The following DIDO1 variants were observed in gnomAD, a reference collection of about 807,000 sequenced individuals.
The protein encoded by DIDO1 is death-inducer obliterator 1.
Under a neutral mutation model 99.4 loss-of-function variants are expected in DIDO1, and 16 were observed. That is an observed-to-expected ratio of 0.16 (90% CI 0.11 to 0.24). DIDO1 has a LOEUF of 0.24. Among genes scored for constraint, DIDO1 ranks in the 10% least tolerant of loss-of-function variants. The pLI is 1.00. For synonymous variants in DIDO1, 1,366 were observed against 1,239.1 expected, an observed-to-expected ratio of 1.10 and a Z score of -2.15; for missense variants, 2,996 against 3,014.0, an observed-to-expected ratio of 0.99 and a Z score of 0.14.
At position 62,894,239 on chromosome 20, in the gene DIDO1, A is replaced by T; in HGVS notation, c.2573-45T>A. On this transcript the variant is annotated intron_variant, in intron 11 of 15. Transcript: ENST00000395343. This position sits in a 1 kb window ranked among gnomAD's most constrained non-coding sequence, Gnocchi z 4.4. Reference sequence around the variant, plus strand: ...GCTCTGTGAGAAACCCAGCCGGCACACTGGTGTTTCTCACACAAAGCCGAA... The same window carrying T: ...GCTCTGTGAGAAACCCAGCCGGCACTCTGGTGTTTCTCACACAAAGCCGAA... 1 of 1,594,406 alleles carries T rather than the reference A, an allele frequency of 6.3e-7. No homozygotes were observed. The highest frequency in any genetic ancestry group is 8.6e-7 in the Non-Finnish European group (1 of 1,168,024).
In DIDO1 at chr20:62,894,828, C is replaced by T. The variant is rs750078; in HGVS notation, c.2418G>A (p.Pro806=). The T allele has an allele frequency of 3.8e-3, 6,150 of 1,613,920 alleles. 213 individuals are homozygous for T. The Admixed American group carries it at 0.068, about 18-fold the overall frequency. The change falls in exon 10 of 16, where the codon CCG becomes CCA. Residue 806 remains proline, a synonymous_variant. Transcript: ENST00000395343. The surrounding 1 kb of genome is among the most constrained non-coding windows in gnomAD (Gnocchi z 4.4). ...QEAIPDLEDS[P]PVSDSEEQQE... ...TGCTTACCTCTGAATCCGACACTGGCGGAGAGTCCTCCAGATCGGGGATGG... is the reference window on the plus strand; with the variant it reads ...TGCTTACCTCTGAATCCGACACTGGTGGAGAGTCCTCCAGATCGGGGATGG...
rs2064172042 is a variant in DIDO1 at position 62,880,025 on chromosome 20, T to C, written c.5931A>G (p.Arg1977=). The C allele has an allele frequency of 6.2e-7, 1 of 1,611,428 alleles. No individual in the cohort carries two copies. The highest frequency in any genetic ancestry group is 8.5e-7 in the Non-Finnish European group (1 of 1,179,990). The stretch of plus-strand genomic sequence containing the variant: ...GTGCAGGCGCCCTTTGGTTTGTGAA[T>C]CTTGGTGGTGAATGGACCCTCTGGT... ...FEDQRVHSPP[R]FTNQRAPAPL... Residue 1977 remains arginine, a synonymous_variant, in exon 16 of 16, where the codon AGA becomes AGG. Coordinates refer to ENST00000395343, the MANE Select transcript of DIDO1 (RefSeq NM_001193369.2).
At position 62,879,612 on chromosome 20, in the gene DIDO1, C is replaced by T; in HGVS notation, c.6344G>A (p.Arg2115Lys). ...AQGRASEDRR[R>K]ERERGRNWSR... Reference sequence around the variant, plus strand: ...CCAGTTTCGGCCGCGCTCGCGCTCTCTCCTCCTGTCCTCGGACGCCCGGCC... The same window carrying T: ...CCAGTTTCGGCCGCGCTCGCGCTCTTTCCTCCTGTCCTCGGACGCCCGGCC... Residue 2115 changes from arginine to lysine, a missense_variant, in exon 16 of 16, where the codon AGA (arginine) becomes AAA (lysine). Coordinates refer to ENST00000395343, the MANE Select transcript of DIDO1 (RefSeq NM_001193369.2). The surrounding 1 kb of genome is among the most constrained non-coding windows in gnomAD (Gnocchi z 6.3). 9 of 1,604,738 alleles carry T rather than the reference C, an allele frequency of 5.6e-6. No homozygotes were observed. The highest frequency in any genetic ancestry group is 7.6e-6 in the Non-Finnish European group (9 of 1,179,722).
At chr20:62,887,958 A>C (rs896537316) in intron 15 of DIDO1, 1 of 985,382 alleles carries the variant, frequency 1.0e-6, no homozygotes, top group African/African-American at 1.7e-5. Flanking sequence ...TCTGTGGACA[A>C]ATCATTAAGA....
At chr20:62,906,166 TGA>T (rs2064800098) in intron 5 of DIDO1, 66 bp from the exon 6 acceptor site, 2 of 1,544,430 alleles carry the variant, frequency 1.3e-6, no homozygotes, top group Admixed American at 1.9e-5. Flanking sequence ...TTCATTTCAC[TGA>T]GAGATGAAGG....
At chr20:62,910,457 C>G (rs1248115442) in intron 3 of DIDO1, among the ~76,000 whole-genome samples, 1 of 152,156 alleles carries the variant, frequency 6.6e-6, no homozygotes, top group Non-Finnish European at 1.5e-5. Flanking sequence ...TCAGACAGAC[C>G]CCGGAGTGAC....
intron 1 of DIDO1, among the ~76,000 whole-genome samples, chr20:62,932,235 G>A (rs2065338811): frequency 6.6e-6 from 1 of 152,216 alleles, no homozygotes; most frequent in African/African-American, 2.4e-5. Flanking sequence ...GCTCACGCCT[G>A]TAATCCTGAC....
chr20:62,890,076 AG>A (rs1248832084), intron 15 of DIDO1: 42 of 985,762 alleles, frequency 4.3e-5, no homozygotes, highest in South Asian at 4.7e-5. Flanking sequence ...CAGCTATGGC[AG>A]GAACACCCGC....
chr20:62,881,833 C>CCTT lies in DIDO1; in HGVS notation c.4120_4122dup (p.Lys1374dup). On this transcript the variant is annotated inframe_insertion, in exon 16 of 16. Coordinates refer to ENST00000395343, the MANE Select transcript of DIDO1 (RefSeq NM_001193369.2). The surrounding 1 kb of genome is among the most constrained non-coding windows in gnomAD (Gnocchi z 8.3). ...CTGTCGTCCTCCTCTTCCTCTAGAGCCTTATCTTTTGAGAACTGACCGAAC... is the reference window on the plus strand; with the variant it reads ...CTGTCGTCCTCCTCTTCCTCTAGAGCCTTCTTATCTTTTGAGAACTGACCGAAC... The CCTT allele has an allele frequency of 6.2e-7, 1 of 1,613,572 alleles. No homozygotes were observed.
At position 62,893,775 on chromosome 20, in the gene DIDO1, C is replaced by T. The variant is rs2064451788; in HGVS notation, c.2992G>A (p.Val998Met). 1 of 1,614,210 alleles carries T rather than the reference C, an allele frequency of 6.2e-7. No homozygotes were observed. The highest frequency in any genetic ancestry group is 8.5e-7 in the Non-Finnish European group (1 of 1,180,040). Residue 998 changes from valine (V) to methionine (M), a missense_variant, in exon 12 of 16, where the codon GTG (valine) becomes ATG (methionine). By Grantham distance (21) the Val-to-Met change is conservative (BLOSUM62 1). Coordinates refer to ENST00000395343, the MANE Select transcript of DIDO1 (RefSeq NM_001193369.2). ...STHMVEARQD[V>M]PKPVLTSVMV... ...ACAGAAGTCAAGACAGGCTTCGGCA[C>T]ATCCTGTCTGGCTTCCACCATGTGG...
Position 62,893,711 on chromosome 20 carries a change from G to C in DIDO1, c.3056C>G (p.Ser1019Cys), listed in dbSNP as rs890896833. 26 of 1,611,776 alleles carry C rather than the reference G, an allele frequency of 1.6e-5. No individual in the cohort carries two copies. The East Asian group carries it at 5.6e-4, about 35-fold the overall frequency. Residue 1019 changes from serine (S) to cysteine (C), a missense_variant, in exon 12 of 16, where the codon TCT becomes TGT. Ser to Cys is a moderately radical substitution (Grantham distance 112, BLOSUM62 -1). Around this residue, in one of 5 missense-constraint regions of DIDO1, gnomAD observed 898 missense variants for 972.7 expected, o/e 0.92. Transcript: ENST00000395343. ...PKSILAKPSS[S>C]PDPRYLSVPP... The stretch of plus-strand genomic sequence containing the variant: ...AACTGACAGGTATCTTGGGTCAGGA[G>C]ATGAGGATGGCTTAGCTAGTATGGA...
rs368655037 is a variant in DIDO1 at position 62,911,472 on chromosome 20, T to C, written c.141A>G (p.Pro47=). Residue 47 remains proline (P), a synonymous_variant, in exon 3 of 16, where the codon CCA becomes CCG. Coordinates refer to ENST00000395343, the MANE Select transcript of DIDO1 (RefSeq NM_001193369.2). The surrounding 1 kb of genome is among the most constrained non-coding windows in gnomAD (Gnocchi z 7.0). Reference sequence around the variant, plus strand: ...GCTGCTGTGGGGGTGGCGGCTCCAGTGGGTCAGCCTCCGCGTCCCCTGCGC... The same window carrying C: ...GCTGCTGTGGGGGTGGCGGCTCCAGCGGGTCAGCCTCCGCGTCCCCTGCGC... ...REGAGDAEAD[P]LEPPPPQQQL... is the part of the protein sequence containing the mutation. 4 of 1,612,090 alleles carry C rather than the reference T, an allele frequency of 2.5e-6. No homozygotes were observed. Among genetic ancestry groups the C allele is most frequent in the South Asian group, 1.1e-5 (1 of 90,846 alleles).
intron 15 of DIDO1, chr20:62,889,418 G>A: frequency 1.0e-6 from 1 of 985,454 alleles, no homozygotes; most frequent in Non-Finnish European, 1.2e-6. Context: ...AGGGAGAGAA[G>A]CTCAAGAAAG....
rs777553697 is a variant in DIDO1, at chr20:62,880,578, C to T, written c.5378G>A (p.Arg1793Gln). The T allele has an allele frequency of 3.7e-6, 6 of 1,612,772 alleles. No individual in the cohort carries two copies. Among genetic ancestry groups the T allele is most frequent in the Admixed American group, 3.3e-5 (2 of 60,006 alleles). The change falls in exon 16 of 16, where the codon CGA becomes CAA. Residue 1793 changes from arginine (R) to glutamine (Q), a missense_variant. Arg to Gln is a conservative substitution (Grantham distance 43). This residue lies in a region of DIDO1 where 1,562 missense variants were observed against 1,412.6 expected (regional missense o/e 1.11). Coordinates refer to ENST00000395343, the MANE Select transcript of DIDO1 (RefSeq NM_001193369.2). ...EENIASNDGPRGPPPARFGAQ... is the reference protein window; with the variant it reads ...EENIASNDGPQGPPPARFGAQ... ...TCCGAATCTGGCTGGCGGAGGCCCTCGTGGCCCATCGTTAGAAGCGATATT... is the reference window on the plus strand; with the variant it reads ...TCCGAATCTGGCTGGCGGAGGCCCTTGTGGCCCATCGTTAGAAGCGATATT...
chr20:62,927,093 AG>A (rs1255757612), upstream of DIDO1, among the ~76,000 whole-genome samples: 1 of 152,092 alleles, frequency 6.6e-6, no homozygotes, highest in Non-Finnish European at 1.5e-5. Flanking sequence ...GCTCGGCTCC[AG>A]AAACCAGGAG....
intron 15 of DIDO1, chr20:62,889,659 C>T: frequency 1.0e-6 from 1 of 985,394 alleles, no homozygotes. Flanking sequence ...TTTCCTCTCC[C>T]TGGTCACGTG....
chr20:62,891,720 G>A lies in DIDO1; in HGVS notation c.3345+267C>T, dbSNP rs532356850. Among the ~76,000 whole-genome samples the A allele has an allele frequency of 4.6e-5, 7 of 150,820 alleles. No homozygotes were observed. The South Asian group carries it at 1.0e-3, about 23-fold the overall frequency. On this transcript the variant is annotated intron_variant, in intron 14 of 15. Transcript: ENST00000395343. ...TAAATCAGAAACAAACTTCTACCGC[G>A]GCACACTCAGACACCTTCACACAGT...
chr20:62,911,347 ATGC>A lies in DIDO1; in HGVS notation c.263_265del (p.Ser88del), dbSNP rs749233147. 5 of 1,609,308 alleles carry A rather than the reference ATGC, an allele frequency of 3.1e-6. No individual in the cohort carries two copies. The highest frequency in any genetic ancestry group is 4.2e-6 in the Non-Finnish European group (5 of 1,179,944). ...ACCAGAATCCTCCAGGGAGACAGGC[ATGC>A]TCCTCCTGCCGCGGCGCCGCGCAAT... On this transcript the variant is annotated inframe_deletion, in exon 3 of 16. Coordinates refer to ENST00000395343, the MANE Select transcript of DIDO1 (RefSeq NM_001193369.2). This position sits in a 1 kb window ranked among gnomAD's most constrained non-coding sequence, Gnocchi z 7.0.
rs549750000 is a variant in DIDO1, at chr20:62,925,860, G to GAC, written c.-200+577_-200+578dup. Among the ~76,000 whole-genome samples the GAC allele has an allele frequency of 5.9e-5, 9 of 152,290 alleles. No individual in the cohort carries two copies. The South Asian group carries it at 1.9e-3, about 32-fold the overall frequency. ...CTGAAAACCAGCGCGGGGAGGTAAG[G>GAC]ACACACTCTTCAGAAAAGCGAATCC... On this transcript the variant is annotated intron_variant, in intron 1 of 15. Transcript: ENST00000395343.
Sources: allele counts gnomAD v4.1 joint callset (sites outside exome capture counted in the v4.1 genomes callset), GRCh38; gene constraint gnomAD v4.1.1; regional missense constraint gnomAD v4.1.1; non-coding constraint Gnocchi (gnomAD v3.1); transcripts MANE v1.5; gene names NCBI Gene and HGNC (gene_info 2026-07-23, HGNC 2026-07-21).